PDE4D: variants seen among roughly 807,000 people sequenced by gnomAD.
The protein encoded by PDE4D is phosphodiesterase 4D.
Under a neutral mutation model 87.4 loss-of-function variants are expected in PDE4D, and 24 were observed. That is an observed-to-expected ratio of 0.27 (90% CI 0.20 to 0.39). PDE4D has a LOEUF of 0.39. Among genes scored for constraint, PDE4D ranks in the 10% least tolerant of loss-of-function variants. The pLI is 1.00. For missense variants in PDE4D, 714 were observed against 1,041.0 expected, an observed-to-expected ratio of 0.69 and a Z score of 4.32; for synonymous variants, 384 against 383.2, an observed-to-expected ratio of 1.00 and a Z score of -0.02.
At chr5:59,448,793 C>A (rs931462417) in intron 1 of PDE4D, among the ~76,000 whole-genome samples, 2 of 152,074 alleles carry the variant, frequency 1.3e-5, no homozygotes, top group South Asian at 2.1e-4. Context: ...CCACCATGCC[C>A]AGCTAATATT....
At position 58,989,918 on chromosome 5, in the gene PDE4D, TC is replaced by T; in HGVS notation, c.1288del (p.Glu430AsnfsTer5). The T allele has an allele frequency of 6.7e-7, 1 of 1,503,746 alleles. No homozygotes were observed. The highest frequency in any genetic ancestry group is 9.2e-7 in the Non-Finnish European group (1 of 1,092,602). The allele number at this position is 1,503,746 out of a possible 1,614,324, so 93.2% of individuals were successfully genotyped here. A position where few individuals can be genotyped will look rare whatever the true frequency, so the allele number is the denominator to read the frequency against. On this transcript the variant is annotated frameshift_variant and splice_region_variant, in exon 10 of 15. Coordinates refer to ENST00000340635, the MANE Select transcript of PDE4D (RefSeq NM_001104631.2). LOFTEE classifies it high-confidence loss of function. ...LTVIMHTIFQ[E>X]RDLLKTFKIP... ...TTTAAATGTTTTTAATAAATCCCGT[TC>T]CTGTAGGAAAAAAAATCATCTTAAC... is the stretch of plus-strand genomic sequence containing the variant.
chr5:59,065,420 C>A (rs1164563158), intron 5 of PDE4D, among the ~76,000 whole-genome samples: 2 of 151,932 alleles, frequency 1.3e-5, no homozygotes, highest in African/African-American at 4.8e-5. Flanking sequence ...CATAAGTATA[C>A]AATCAACAAT....
intron 1 of PDE4D, among the ~76,000 whole-genome samples, chr5:59,381,646 T>C (rs1785890484): frequency 6.6e-6 from 1 of 152,172 alleles, no homozygotes; most frequent in Non-Finnish European, 1.5e-5. Flanking sequence ...ACTTACAGGC[T>C]ACCTTCTTTC....
intron 3 of PDE4D, among the ~76,000 whole-genome samples, chr5:59,962,508 A>T (rs954914457): frequency 1.3e-5 from 2 of 152,110 alleles, no homozygotes; most frequent in Non-Finnish European, 2.9e-5. Context: ...CTGAAATCTT[A>T]CGCTCCTACA....
intron 1 of PDE4D, among the ~76,000 whole-genome samples, chr5:59,581,289 C>G (rs2153699972): frequency 6.6e-6 from 1 of 152,192 alleles, no homozygotes; most frequent in South Asian, 2.1e-4. Context: ...TTGGGTTCTT[C>G]TTTGCATCTC....
chr5:60,047,729 G>C (rs1027893603), intron 2 of PDE4D, among the ~76,000 whole-genome samples: 1 of 152,190 alleles, frequency 6.6e-6, no homozygotes, highest in Admixed American at 6.5e-5. Context: ...TGTGGTCTGA[G>C]AGATAGTTTG....
intron 1 of PDE4D, among the ~76,000 whole-genome samples, chr5:59,881,020 T>C (rs1046585749): frequency 6.6e-6 from 1 of 152,188 alleles, no homozygotes; most frequent in Non-Finnish European, 1.5e-5. Context: ...AAAAGGAGCA[T>C]TTATGAAATT....
At chr5:60,169,989 T>A (rs1165544963) in intron 2 of PDE4D, among the ~76,000 whole-genome samples, 1 of 152,026 alleles carries the variant, frequency 6.6e-6, no homozygotes, top group East Asian at 1.9e-4. Context: ...AATGGCTCAG[T>A]TTTTACTCTG....
intron 2 of PDE4D, among the ~76,000 whole-genome samples, chr5:60,046,417 G>T (rs1452484738): frequency 6.6e-6 from 1 of 152,180 alleles, no homozygotes; most frequent in East Asian, 1.9e-4. Flanking sequence ...AATAGGAGGG[G>T]TGAGAGAAGG....
At chr5:60,319,822 C>T (rs549399723) in intron 1 of PDE4D, among the ~76,000 whole-genome samples, 1 of 152,344 alleles carries the variant, frequency 6.6e-6, no homozygotes, top group East Asian at 1.9e-4. Flanking sequence ...GCAAATGTTG[C>T]TGCCTGATCG....
intron 1 of PDE4D, among the ~76,000 whole-genome samples, chr5:59,426,996 T>TACAC (rs1562166809): frequency 8.3e-6 from 1 of 121,130 alleles, no homozygotes; most frequent in East Asian, 2.3e-4. Flanking sequence ...AACTTGAAGC[T>TACAC]ATACACACAC....
intron 1 of PDE4D, among the ~76,000 whole-genome samples, chr5:60,250,892 CATGTTAT>C (rs1326309356): frequency 6.6e-6 from 1 of 151,848 alleles, no homozygotes; most frequent in African/African-American, 2.4e-5. Context: ...CAGCTCCTTG[CATGTTAT>C]TGCCCCTGAA....
At chr5:59,927,059 T>C (rs1755374677) in intron 3 of PDE4D, among the ~76,000 whole-genome samples, 1 of 152,184 alleles carries the variant, frequency 6.6e-6, no homozygotes, top group Admixed American at 6.5e-5. Context: ...TGTCTTCAGC[T>C]TACATAGACC....
intron 1 of PDE4D, among the ~76,000 whole-genome samples, chr5:59,840,344 G>GTT (rs386403905): frequency 6.6e-6 from 1 of 151,818 alleles, no homozygotes; most frequent in East Asian, 1.9e-4. Context: ...CTCTGTGTGT[G>GTT]TGTGTGTGTG....
chr5:59,376,466 A>G (rs1285808406), intron 1 of PDE4D, among the ~76,000 whole-genome samples: 1 of 152,194 alleles, frequency 6.6e-6, no homozygotes, highest in South Asian at 2.1e-4. Context: ...ACCTAGGAAT[A>G]CAGATAACCA....
At chr5:59,241,898 A>G (rs2153522880) in intron 1 of PDE4D, among the ~76,000 whole-genome samples, 1 of 152,322 alleles carries the variant, frequency 6.6e-6, no homozygotes, top group African/African-American at 2.4e-5. Context: ...CCACAAATTG[A>G]ATAGTACTTA....
chr5:59,007,283 G>A (rs539677165), intron 6 of PDE4D, among the ~76,000 whole-genome samples: 5 of 152,218 alleles, frequency 3.3e-5, no homozygotes, highest in Non-Finnish European at 5.9e-5. Flanking sequence ...ATTAAAAGTC[G>A]TGGTAGTTAT....
At chr5:59,055,991 A>G (rs535576112) in intron 5 of PDE4D, among the ~76,000 whole-genome samples, 5 of 152,334 alleles carry the variant, frequency 3.3e-5, no homozygotes, top group Non-Finnish European at 7.3e-5. Context: ...GAACAAATGC[A>G]GTGATTTCAA....
chr5:59,232,243 T>C (rs1268409796), intron 1 of PDE4D, among the ~76,000 whole-genome samples: 1 of 152,046 alleles, frequency 6.6e-6, no homozygotes, highest in Non-Finnish European at 1.5e-5. Context: ...ACATGTTAAA[T>C]GGGAGAAAAT....
Sources: allele counts gnomAD v4.1 joint callset (sites outside exome capture counted in the v4.1 genomes callset), GRCh38; gene constraint gnomAD v4.1.1; transcripts MANE v1.5; gene names NCBI Gene and HGNC (gene_info 2026-07-23, HGNC 2026-07-21).